ARPC1A: variants seen among roughly 807,000 people sequenced by gnomAD.
The protein encoded by ARPC1A is actin related protein 2/3 complex subunit 1A.
A neutral mutation model predicts 46.9 loss-of-function variants in ARPC1A; 8 were observed. The ratio of observed to expected loss-of-function variants is 0.17; its 90% CI spans 0.10 to 0.31. ARPC1A has a LOEUF of 0.31. Ranked by LOEUF, ARPC1A falls within the 10% of genes least tolerant of loss-of-function variation. The pLI is 1.00. For missense variants in ARPC1A, 286 were observed against 483.6 expected (o/e 0.59, Z 3.83); for synonymous variants, 152 against 169.0 (o/e 0.90, Z 0.78).
intron 2 of ARPC1A, among the ~76,000 whole-genome samples, chr7:99,336,518 G>T (rs552821597): frequency 1.9e-4 from 26 of 139,444 alleles, no homozygotes; most frequent in African/African-American, 6.8e-4. Flanking sequence ...TTGAGACAGG[G>T]TCTCACTCTG....
chr7:99,338,532 C>T (rs1300060495), intron 3 of ARPC1A, among the ~76,000 whole-genome samples: 6 of 151,580 alleles, frequency 4.0e-5, no homozygotes, highest in Admixed American at 1.3e-4. Flanking sequence ...ATTACAGGCA[C>T]GCGCCACTAT....
chr7:99,356,518 T>C (rs1793637661), intron 6 of ARPC1A, among the ~76,000 whole-genome samples: 1 of 151,038 alleles, frequency 6.6e-6, no homozygotes, highest in African/African-American at 2.4e-5. Flanking sequence ...GGCAGGAGAA[T>C]TGCTTGAACC....
Position 99,349,006 on chromosome 7 carries a change from CCTT to C in ARPC1A, c.500+49_500+51del. ...TAAACTTGAGCCGTGCATTCTTCAT[CCTT>C]CAACAAATAATTTTAGGTTCTCTTT... On this transcript the variant is annotated intron_variant, in intron 5 of 9. Transcript: ENST00000262942. The C allele has an allele frequency of 2.0e-6, 3 of 1,493,686 alleles. No homozygotes were observed. The East Asian group carries it at 6.9e-5, about 34-fold the overall frequency. The allele number at this position is 1,493,686 out of a possible 1,614,324, so 92.5% of individuals were successfully genotyped here. A position where few individuals can be genotyped will look rare whatever the true frequency, so the allele number is the denominator to read the frequency against.
chr7:99,353,232 C>T (rs1793576460), intron 5 of ARPC1A, among the ~76,000 whole-genome samples: 1 of 151,866 alleles, frequency 6.6e-6, no homozygotes, highest in African/African-American at 2.4e-5. Flanking sequence ...AATCTCAGCT[C>T]ACTGCAAGCT....
Position 99,365,917 on chromosome 7 carries a change from C to A in ARPC1A, c.1101C>A (p.Leu367=). The change falls in exon 10 of 10, where the codon CTC becomes CTA. Residue 367 remains leucine (L), a synonymous_variant. Coordinates refer to ENST00000262942, the MANE Select transcript of ARPC1A (RefSeq NM_006409.4). ...FKTLESSIQG[L]RIM is the part of the protein sequence containing the mutation. ...CCCTCGAGTCTTCCATCCAGGGCCT[C>A]CGGATAATGTGAAGCTGAGTGAGCC... 6.4e-7 allele frequency: 1 copy of A among 1,574,714 alleles called. No individual in the cohort carries two copies. Among genetic ancestry groups the A allele is most frequent in the Non-Finnish European group, 8.6e-7 (1 of 1,158,060 alleles).
intron 5 of ARPC1A, among the ~76,000 whole-genome samples, chr7:99,349,980 C>T (rs1052106346): frequency 6.6e-6 from 1 of 152,128 alleles, no homozygotes; most frequent in African/African-American, 2.4e-5. Flanking sequence ...CACTGCACTC[C>T]AGCCTGGGCG....
intron 6 of ARPC1A, among the ~76,000 whole-genome samples, chr7:99,356,327 G>A (rs1443296602): frequency 3.9e-5 from 6 of 152,290 alleles, no homozygotes; most frequent in East Asian, 1.9e-4. Flanking sequence ...CCCTCAGGCC[G>A]GGTGCAGTGG....
intron 5 of ARPC1A, among the ~76,000 whole-genome samples, chr7:99,349,209 C>T (rs781567699): frequency 6.6e-6 from 1 of 152,048 alleles, no homozygotes; most frequent in South Asian, 2.1e-4. Flanking sequence ...TGCCACCACA[C>T]CTGGCTAATT....
Position 99,359,646 on chromosome 7 carries a change from G to A in ARPC1A, c.891G>A (p.Met297Ile). 1 of 1,614,142 alleles carries A rather than the reference G, an allele frequency of 6.2e-7. No individual in the cohort carries two copies. The highest frequency in any genetic ancestry group is 8.5e-7 in the Non-Finnish European group (1 of 1,180,040). Residue 297 changes from methionine (M) to isoleucine (I), a missense_variant, in exon 8 of 10, where the codon ATG (methionine) becomes ATA (isoleucine). Met to Ile is a conservative substitution (Grantham distance 10, BLOSUM62 1). Around this residue, in one of 5 missense-constraint regions of ARPC1A, gnomAD observed 182 missense variants for 276.7 expected, o/e 0.66. Transcript: ENST00000262942. Reference sequence around the variant, plus strand: ...CAAAACAGAGCATCCAACGCAACATGTCTGCCATGGAACGCTTCCGCAACA... The same window carrying A: ...CAAAACAGAGCATCCAACGCAACATATCTGCCATGGAACGCTTCCGCAACA... ...DIPKQSIQRNMSAMERFRNMD... is the reference protein window; with the variant it reads ...DIPKQSIQRNISAMERFRNMD...
intron 3 of ARPC1A, 77 bp from the exon 4 acceptor site, chr7:99,344,216 C>G (rs1330492450): frequency 1.4e-6 from 2 of 1,385,900 alleles, no homozygotes; most frequent in Non-Finnish European, 2.0e-6. Context: ...CCTGGCATGC[C>G]AGTGCCACCC....
At chr7:99,337,119 A>G (rs1353748796) in intron 2 of ARPC1A, among the ~76,000 whole-genome samples, 1 of 152,034 alleles carries the variant, frequency 6.6e-6, no homozygotes, top group African/African-American at 2.4e-5. Flanking sequence ...ATACGATTTG[A>G]GCACTGAAAA....
At chr7:99,356,912 GA>G (rs890098435) in intron 6 of ARPC1A, among the ~76,000 whole-genome samples, 6 of 151,832 alleles carry the variant, frequency 4.0e-5, no homozygotes, top group South Asian at 2.1e-4. Flanking sequence ...AAAAAAGAAA[GA>G]AAAAAAGAAA....
intron 3 of ARPC1A, 104 bp from the exon 4 acceptor site, chr7:99,344,189 C>A (rs908030666): frequency 9.5e-7 from 1 of 1,051,638 alleles, no homozygotes; most frequent in Non-Finnish European, 1.4e-6. Context: ...GAGGAAGGTC[C>A]CAAGACCACG....
chr7:99,359,452 A>G (rs1793699786), intron 7 of ARPC1A, 93 bp from the exon 8 acceptor site: 5 of 1,215,014 alleles, frequency 4.1e-6, no homozygotes, highest in Admixed American at 4.8e-5. Context: ...AAAAAAAAAA[A>G]AGAGTAAGAG....
intron 4 of ARPC1A, among the ~76,000 whole-genome samples, chr7:99,345,140 G>A (rs1384276737): frequency 1.3e-5 from 2 of 150,968 alleles, no homozygotes; most frequent in East Asian, 2.0e-4. Context: ...TCACCATCTT[G>A]GCCAGGCTGG....
chr7:99,329,237 T>C (rs1425443048), intron 1 of ARPC1A, among the ~76,000 whole-genome samples: 16 of 149,724 alleles, frequency 1.1e-4, no homozygotes, highest in Admixed American at 2.0e-4. Context: ...GGAGGCAGAG[T>C]TTGCAGTGAG....
chr7:99,347,562 G>A (rs929582449), intron 4 of ARPC1A, among the ~76,000 whole-genome samples: 5 of 151,780 alleles, frequency 3.3e-5, no homozygotes, highest in Admixed American at 2.6e-4. Context: ...AAAATTAGCC[G>A]GGCGTGGTGG....
chr7:99,364,058 G>A (rs974592755), intron 9 of ARPC1A, among the ~76,000 whole-genome samples: 6 of 152,042 alleles, frequency 3.9e-5, no homozygotes, highest in African/African-American at 4.8e-5. Flanking sequence ...GGGTTGGAGC[G>A]ATTCTCCTGC....
chr7:99,352,655 T>TA (rs59352040), intron 5 of ARPC1A, among the ~76,000 whole-genome samples: 1,744 of 136,052 alleles, frequency 0.013, 27 homozygotes, highest in African/African-American at 0.041. Flanking sequence ...CCCCGTCTCT[T>TA]AAAAAAAAAA....
Sources: gnomAD v4.1 joint callset for allele counts (sites outside exome capture counted in the v4.1 genomes callset) on GRCh38, gnomAD v4.1.1 for gene constraint, gnomAD v4.1.1 regional missense constraint, MANE v1.5 for transcripts, NCBI Gene and HGNC (gene_info 2026-07-23, HGNC 2026-07-21) for gene names.